Variants in NRG1 observed in about 807,000 individuals in gnomAD.
NRG1 encodes pro-neuregulin-1, membrane-bound isoform.
Under a neutral mutation model 63.8 loss-of-function variants are expected in NRG1, and 18 were observed. The ratio of observed to expected loss-of-function variants is 0.28; its 90% confidence interval spans 0.19 to 0.42. The LOEUF (loss-of-function observed/expected upper bound fraction) is 0.42. Ranked by LOEUF, NRG1 falls within the 10% of genes least tolerant of loss-of-function variation. The probability of loss-of-function intolerance (pLI) is 1.00; values close to 1 mark genes in which losing one functional copy is unlikely to be tolerated. For synonymous variants in NRG1, 302 were observed against 301.3 expected (o/e 1.00, Z -0.02); for missense variants, 762 against 814.7 (o/e 0.94, Z 0.79).
intron 1 of NRG1, among the ~76,000 whole-genome samples, chr8:32,273,437 T>C (rs935732339): frequency 1.3e-5 from 2 of 152,236 alleles, no homozygotes; most frequent in African/African-American, 4.8e-5. Context: ...ATTTGTTTAT[T>C]CTTATTTGTT....
chr8:32,333,505 T>G (rs1802896679), intron 1 of NRG1, among the ~76,000 whole-genome samples: 1 of 152,174 alleles, frequency 6.6e-6, no homozygotes, highest in African/African-American at 2.4e-5. Context: ...AAGTCAGATT[T>G]TAGAAAGAAT....
intron 1 of NRG1, among the ~76,000 whole-genome samples, chr8:32,481,405 C>T (rs117531757): frequency 0.053 from 8,030 of 152,206 alleles, 284 homozygotes; most frequent in Middle Eastern, 0.085. Context: ...AAAAGAGTGA[C>T]AATGCAAGCC....
chr8:32,020,882 A>AT (rs200132349), intron 1 of NRG1, among the ~76,000 whole-genome samples: 2,447 of 152,196 alleles, frequency 0.016, 42 homozygotes, highest in Middle Eastern at 0.054. Context: ...ATTTTAAGCA[A>AT]TTTTTATATG....
intron 9 of NRG1, 83 bp from the exon 10 acceptor site, chr8:32,759,223 G>A (rs199576212): frequency 5.9e-5 from 85 of 1,448,322 alleles, no homozygotes; most frequent in African/African-American, 1.8e-4. Flanking sequence ...CAGTGTTAAC[G>A]TTTTTATTTA....
At chr8:32,292,109 AT>A (rs1354506109) in intron 1 of NRG1, among the ~76,000 whole-genome samples, 1 of 152,220 alleles carries the variant, frequency 6.6e-6, no homozygotes, top group Non-Finnish European at 1.5e-5. Context: ...GAACACTTTC[AT>A]TTTTTCCCCC....
intron 1 of NRG1, among the ~76,000 whole-genome samples, chr8:32,126,124 A>T (rs1834040965): frequency 6.6e-6 from 1 of 151,860 alleles, no homozygotes; most frequent in South Asian, 2.1e-4. Context: ...CAATTTATTG[A>T]GTGAATAAAG....
At chr8:32,700,297 A>C (rs1254173656) in intron 5 of NRG1, among the ~76,000 whole-genome samples, 2 of 152,168 alleles carry the variant, frequency 1.3e-5, no homozygotes, top group African/African-American at 4.8e-5. Flanking sequence ...AATATGTATA[A>C]CTGGTGAAAT....
At chr8:32,008,638 A>G (rs905301627) in intron 1 of NRG1, among the ~76,000 whole-genome samples, 3 of 152,196 alleles carry the variant, frequency 2.0e-5, no homozygotes, top group Admixed American at 1.3e-4. Flanking sequence ...CTCGTAATAC[A>G]GAAGTGACAT....
At chr8:32,700,789 T>C (rs1208097496) in intron 5 of NRG1, among the ~76,000 whole-genome samples, 1 of 152,230 alleles carries the variant, frequency 6.6e-6, no homozygotes, top group Non-Finnish European at 1.5e-5. Flanking sequence ...CATTTTAAGA[T>C]AAGCAAGTGC....
intron 1 of NRG1, among the ~76,000 whole-genome samples, chr8:31,678,435 G>A (rs977549750): frequency 2.6e-5 from 4 of 151,930 alleles, no homozygotes; most frequent in Admixed American, 2.0e-4. Flanking sequence ...GACCACCTTT[G>A]TGTCCATTGA....
chr8:31,640,293 GGC>G lies in NRG1; in HGVS notation c.37+864_37+865del. On this transcript the variant is annotated intron_variant, in intron 1 of 10. Coordinates refer to the NRG1 transcript ENST00000519301. This position sits in a 1 kb window ranked among gnomAD's most constrained non-coding sequence, Gnocchi z 6.3. The stretch of plus-strand genomic sequence containing the variant: ...GGGCACTCGACAGGAAGGCGGCGGC[GGC>G]GGCGGGCGAGGCAGGGGCGTGGGGC... The G allele has an allele frequency of 8.8e-7, 1 of 1,130,860 alleles. No individual in the cohort carries two copies. Among genetic ancestry groups the G allele is most frequent in the Non-Finnish European group, 1.1e-6 (1 of 923,648 alleles). The allele number at this position is 1,130,860 out of a possible 1,614,324, so 70.1% of individuals were successfully genotyped here.
At chr8:32,386,328 T>A (rs1811023406) in intron 1 of NRG1, among the ~76,000 whole-genome samples, 1 of 152,204 alleles carries the variant, frequency 6.6e-6, no homozygotes, top group Non-Finnish European at 1.5e-5. Context: ...AGAGGAAAAC[T>A]AAATCAGTGG....
chr8:32,643,503 T>C (rs923637590), intron 5 of NRG1, among the ~76,000 whole-genome samples: 3 of 152,164 alleles, frequency 2.0e-5, no homozygotes, highest in Non-Finnish European at 4.4e-5. Context: ...CCGGTCGTCA[T>C]GTGGGGGAGC....
intron 1 of NRG1, among the ~76,000 whole-genome samples, chr8:32,581,671 A>T (rs1447950016): frequency 6.6e-6 from 1 of 152,230 alleles, no homozygotes; most frequent in Non-Finnish European, 1.5e-5. Context: ...TTAACTTATT[A>T]TTCAAAAGAG....
chr8:31,664,627 A>T (rs558973300), intron 1 of NRG1, among the ~76,000 whole-genome samples: 2 of 152,220 alleles, frequency 1.3e-5, no homozygotes, highest in Non-Finnish European at 2.9e-5. Flanking sequence ...TTATAATGAG[A>T]AAATAAATTG....
chr8:32,463,661 G>A (rs988125037), intron 1 of NRG1, among the ~76,000 whole-genome samples: 3 of 151,840 alleles, frequency 2.0e-5, no homozygotes, highest in Admixed American at 2.0e-4. Flanking sequence ...GGGCAACATA[G>A]TGAGACCTCA....
intron 1 of NRG1, among the ~76,000 whole-genome samples, chr8:31,899,716 G>A (rs538562103): frequency 6.6e-6 from 1 of 152,102 alleles, no homozygotes; most frequent in East Asian, 1.9e-4. Flanking sequence ...TTGAGTTGTA[G>A]AAAAGAAATA....
At chr8:32,041,448 C>T (rs914367627) in intron 1 of NRG1, among the ~76,000 whole-genome samples, 4 of 152,154 alleles carry the variant, frequency 2.6e-5, no homozygotes, top group African/African-American at 9.7e-5. Context: ...TTGTAGCAGA[C>T]GGACTGAGAA....
intron 1 of NRG1, among the ~76,000 whole-genome samples, chr8:31,933,264 G>C (rs117700663): frequency 0.014 from 2,182 of 151,576 alleles, 38 homozygotes; most frequent in South Asian, 0.084. Flanking sequence ...AACCCTGATG[G>C]ATGTCATTAT....
Sources: allele counts gnomAD v4.1 joint callset (sites outside exome capture counted in the v4.1 genomes callset), GRCh38; gene constraint gnomAD v4.1.1; non-coding constraint Gnocchi (gnomAD v3.1); transcripts MANE v1.5; gene names NCBI Gene and HGNC (gene_info 2026-07-23, HGNC 2026-07-21).